The following ZFHX3 variants were observed in gnomAD, a reference collection of about 807,000 sequenced individuals.
ZFHX3 encodes zinc finger homeobox 3.
Under a neutral mutation model 279.1 loss-of-function variants are expected in ZFHX3, and 42 were observed. The ratio of observed to expected loss-of-function variants is 0.15; its 90% CI spans 0.12 to 0.19. The LOEUF (loss-of-function observed/expected upper bound fraction) is 0.19, where lower values mean the gene tolerates loss of function less well. Among genes scored for constraint, ZFHX3 ranks in the 10% least tolerant of loss-of-function variants. The pLI, the probability that ZFHX3 is intolerant of heterozygous loss-of-function variation, is 1.00. For synonymous variants in ZFHX3, 2,293 were observed against 1,957.8 expected, an observed-to-expected ratio of 1.17 and a Z score of -4.52; for missense variants, 4,981 against 4,754.0, an observed-to-expected ratio of 1.05 and a Z score of -1.40.
intron 3 of ZFHX3, among the ~76,000 whole-genome samples, chr16:72,910,100 T>C (rs1033256818): frequency 2.0e-5 from 3 of 152,140 alleles, no homozygotes; most frequent in Non-Finnish European, 4.4e-5. Context: ...AGGTTCTGCA[T>C]CTCACTCTAC....
intron 3 of ZFHX3, among the ~76,000 whole-genome samples, chr16:72,922,044 A>G (rs1213828772): frequency 1.3e-5 from 2 of 152,152 alleles, no homozygotes; most frequent in African/African-American, 4.8e-5. Context: ...CTTCCTTCTC[A>G]GCCCTGCAGC....
At chr16:72,868,488 C>T (rs904441724) in intron 4 of ZFHX3, among the ~76,000 whole-genome samples, 5 of 152,208 alleles carry the variant, frequency 3.3e-5, no homozygotes, top group African/African-American at 1.2e-4. Context: ...CCATCTTCCA[C>T]TGGGGAGCCA....
chr16:73,863,074 C>T (rs1597148687), intron 1 of ZFHX3, among the ~76,000 whole-genome samples: 1 of 152,116 alleles, frequency 6.6e-6, no homozygotes, highest in Non-Finnish European at 1.5e-5. Flanking sequence ...GGCGTGGTGG[C>T]AGGCGCCTGT....
intron 4 of ZFHX3, among the ~76,000 whole-genome samples, chr16:73,284,183 G>C (rs1243278042): frequency 6.6e-6 from 1 of 151,608 alleles, no homozygotes; most frequent in Non-Finnish European, 1.5e-5. Context: ...TGGGCACGGG[G>C]GCAGGCGCCT....
intron 4 of ZFHX3, among the ~76,000 whole-genome samples, chr16:73,278,501 A>G (rs1264074645): frequency 6.6e-6 from 1 of 152,228 alleles, no homozygotes; most frequent in Non-Finnish European, 1.5e-5. Context: ...GCACAGACCC[A>G]AAGAGTGAGC....
intron 2 of ZFHX3, among the ~76,000 whole-genome samples, chr16:73,477,255 G>A (rs12597797): frequency 0.31 from 47,513 of 152,036 alleles, 8,535 homozygotes; most frequent in African/African-American, 0.48. Context: ...CTTGTTTTCT[G>A]TGTGGTCATC....
At chr16:72,929,858 G>T (rs1959691650) in intron 3 of ZFHX3, among the ~76,000 whole-genome samples, 1 of 152,364 alleles carries the variant, frequency 6.6e-6, no homozygotes, top group African/African-American at 2.4e-5. Flanking sequence ...GCAGTCACAT[G>T]GATGTGCTGG....
intron 2 of ZFHX3, among the ~76,000 whole-genome samples, chr16:73,511,186 T>C (rs1404181571): frequency 6.6e-6 from 1 of 152,222 alleles, no homozygotes; most frequent in Non-Finnish European, 1.5e-5. Context: ...TGAGACTGAT[T>C]TTGAAAAGTT....
chr16:73,610,741 T>G (rs1051430294), intron 2 of ZFHX3, among the ~76,000 whole-genome samples: 1 of 152,192 alleles, frequency 6.6e-6, no homozygotes, highest in Non-Finnish European at 1.5e-5. Flanking sequence ...TAGAAAGGGA[T>G]TGTTACATAT....
At chr16:73,765,489 G>C (rs2053922179) in intron 1 of ZFHX3, among the ~76,000 whole-genome samples, 1 of 152,214 alleles carries the variant, frequency 6.6e-6, no homozygotes, top group South Asian at 2.1e-4. Flanking sequence ...AAAGAATTGT[G>C]AGGCTAGTTA....
chr16:73,652,491 G>T (rs2052681443), intron 2 of ZFHX3, among the ~76,000 whole-genome samples: 1 of 152,178 alleles, frequency 6.6e-6, no homozygotes. Flanking sequence ...TGAGAAGGCA[G>T]AAGGAATCCC....
intron 2 of ZFHX3, among the ~76,000 whole-genome samples, chr16:73,600,521 C>A (rs1308921809): frequency 1.3e-5 from 2 of 151,646 alleles, no homozygotes; most frequent in Non-Finnish European, 2.9e-5. Context: ...GAGTTCAAGC[C>A]ATTCTCCTGC....
At chr16:73,155,778 G>A (rs775755964) in intron 5 of ZFHX3, among the ~76,000 whole-genome samples, 3 of 152,026 alleles carry the variant, frequency 2.0e-5, no homozygotes, top group South Asian at 4.1e-4. Flanking sequence ...AGCCGAGATC[G>A]CGCCATTGCA....
At chr16:73,033,483 T>C (rs915236191) in intron 1 of ZFHX3, among the ~76,000 whole-genome samples, 1 of 152,062 alleles carries the variant, frequency 6.6e-6, no homozygotes, top group Non-Finnish European at 1.5e-5. Flanking sequence ...TCATATCCTC[T>C]AAAACGTGAA....
At chr16:73,353,106 G>T (rs1048477732) in intron 3 of ZFHX3, among the ~76,000 whole-genome samples, 27 of 152,314 alleles carry the variant, frequency 1.8e-4, no homozygotes, top group African/African-American at 6.5e-4. Context: ...GACCATGAGA[G>T]AAATTGATCA....
intron 1 of ZFHX3, among the ~76,000 whole-genome samples, chr16:73,889,722 T>A (rs987138172): frequency 2.0e-5 from 3 of 152,154 alleles, no homozygotes; most frequent in African/African-American, 7.2e-5. Flanking sequence ...ACAGGAGCTA[T>A]TCTCTGTGCC....
At chr16:73,324,323 T>C (rs2015637566) in intron 3 of ZFHX3, among the ~76,000 whole-genome samples, 1 of 152,190 alleles carries the variant, frequency 6.6e-6, no homozygotes, top group South Asian at 2.1e-4. Flanking sequence ...CAGTGGTATG[T>C]TTTCTGCTGT....
At chr16:72,982,376 T>C (rs1197540896) in intron 1 of ZFHX3, among the ~76,000 whole-genome samples, 3 of 152,226 alleles carry the variant, frequency 2.0e-5, no homozygotes, top group Non-Finnish European at 4.4e-5. Context: ...AGCTACAGTT[T>C]CTACTGTGGT....
intron 3 of ZFHX3, among the ~76,000 whole-genome samples, chr16:73,436,174 A>C (rs1333811850): frequency 6.6e-6 from 1 of 152,182 alleles, no homozygotes; most frequent in Admixed American, 6.5e-5. Context: ...TACAAAAAAT[A>C]GCTGGCCATG....
Sources: allele counts gnomAD v4.1 joint callset (sites outside exome capture counted in the v4.1 genomes callset), GRCh38; gene constraint gnomAD v4.1.1; transcripts MANE v1.5; gene names NCBI Gene and HGNC (gene_info 2026-07-23, HGNC 2026-07-21).